Variants in FAM107B observed in about 807,000 individuals in gnomAD.
FAM107B encodes family with sequence similarity 107 member B.
A neutral mutation model predicts 31.5 loss-of-function variants in FAM107B; 21 were observed. That is an observed-to-expected ratio of 0.67 (90% CI 0.47 to 0.96). The LOEUF (loss-of-function observed/expected upper bound fraction) is 0.96, where lower values mean the gene tolerates loss of function less well. Among genes scored for constraint, FAM107B ranks in the 40% least tolerant of loss-of-function variants. The pLI, the probability that FAM107B is intolerant of heterozygous loss-of-function variation, is 0.00. For missense variants in FAM107B, 452 were observed against 377.1 expected, an observed-to-expected ratio of 1.20 and a Z score of -1.64; for synonymous variants, 157 against 141.5, an observed-to-expected ratio of 1.11 and a Z score of -0.78.
In FAM107B at chr10:14,626,499, C is replaced by CTTTTTTTTTTTTT. The variant is rs71505032; in HGVS notation, c.469+41134_469+41135insAAAAAAAAAAAAA. Among the ~76,000 whole-genome samples the CTTTTTTTTTTTTT allele has an allele frequency of 1.8e-5, 2 of 109,042 alleles. 1 individual carries two copies. Among genetic ancestry groups the CTTTTTTTTTTTTT allele is most frequent in the Non-Finnish European group, 3.6e-5 (2 of 55,886 alleles). The allele number at this position is 109,042 out of a possible 152,430, so 71.5% of individuals were successfully genotyped here. A position where few individuals can be genotyped will look rare whatever the true frequency, so the allele number is the denominator to read the frequency against. ...ACAAACTGTGGAATTTGAGGCGGAT[C>CTTTTTTTTTTTTT]TTTTTTTTCTTTTTTTTTTTTTGAG... On this transcript the variant is annotated intron_variant, in intron 2 of 4. Coordinates refer to ENST00000181796, the MANE Select transcript of FAM107B (RefSeq NM_031453.4).
intron 1 of FAM107B, among the ~76,000 whole-genome samples, chr10:14,713,459 C>T (rs952758350): frequency 2.0e-5 from 3 of 152,170 alleles, no homozygotes; most frequent in Non-Finnish European, 4.4e-5. Context: ...GCAGGAAGAA[C>T]TGGCACGAAT....
rs1845442025 is a variant in FAM107B, at chr10:14,519,612, G to A, written c.*1578C>T. 1 of 152,150 alleles carries A rather than the reference G, an allele frequency of 6.6e-6. No homozygotes were observed. 9.4% of individuals were successfully genotyped at this position (152,150 alleles called of 1,614,324 possible). On this transcript the variant is annotated 3_prime_UTR_variant, in exon 5 of 5. Transcript: ENST00000181796. Reference sequence around the variant, plus strand: ...AACTAACATGTTTCTCTAACTAGCAGTATATTATCATTGCATTTACTTTTG... The same window carrying A: ...AACTAACATGTTTCTCTAACTAGCAATATATTATCATTGCATTTACTTTTG...
chr10:14,737,379 G>A (rs574824072), intron 1 of FAM107B, among the ~76,000 whole-genome samples: 4 of 152,224 alleles, frequency 2.6e-5, no homozygotes, highest in Non-Finnish European at 2.9e-5. Flanking sequence ...TCAGAACGTC[G>A]AGGTGGGCGG....
chr10:14,581,223 G>A (rs943668537), intron 2 of FAM107B, among the ~76,000 whole-genome samples: 1 of 152,182 alleles, frequency 6.6e-6, no homozygotes, highest in Non-Finnish European at 1.5e-5. Flanking sequence ...CATTTATAAA[G>A]GGTGGCCCGG....
At chr10:14,575,552 T>C (rs1851439242) in intron 2 of FAM107B, among the ~76,000 whole-genome samples, 1 of 152,070 alleles carries the variant, frequency 6.6e-6, no homozygotes, top group Admixed American at 6.6e-5. Flanking sequence ...GAAAAAGCAC[T>C]GTGTGATGGC....
At chr10:14,530,053 C>A (rs555320757) in intron 3 of FAM107B, 1 of 318,578 alleles carries the variant, frequency 3.1e-6, no homozygotes, top group South Asian at 6.8e-5. Context: ...TTAATCCAGC[C>A]TCTTCCATCC....
intron 1 of FAM107B, among the ~76,000 whole-genome samples, chr10:14,752,634 C>T (rs768311559): frequency 9.2e-5 from 14 of 152,128 alleles, no homozygotes; most frequent in Non-Finnish European, 1.8e-4. Flanking sequence ...ATGAATGCAT[C>T]AGACTCATAA....
intron 1 of FAM107B, among the ~76,000 whole-genome samples, chr10:14,749,222 T>C (rs1221074055): frequency 6.6e-6 from 1 of 152,146 alleles, no homozygotes; most frequent in African/African-American, 2.4e-5. Context: ...ACAATGCCAC[T>C]TAGAAGAAAC....
chr10:14,524,749 C>G (rs747397705), intron 3 of FAM107B, among the ~76,000 whole-genome samples: 1 of 152,128 alleles, frequency 6.6e-6, no homozygotes, highest in Non-Finnish European at 1.5e-5. Context: ...ATTTAGCTAT[C>G]TGAATAATTT....
rs769546122 is a variant in FAM107B at position 14,774,680 on chromosome 10, T to C, written c.-17A>G. ...CGTGGACATGACTTGCAGTGAATCA[T>C]TGCAAAGTTCAAACGGGGCAAGGAA... On this transcript the variant is annotated 5_prime_UTR_variant, in exon 1 of 5. The change abolishes an upstream ATG in the 5' untranslated region. Coordinates refer to ENST00000181796, the MANE Select transcript of FAM107B (RefSeq NM_031453.4). 1.4e-5 allele frequency: 22 copies of C among 1,604,430 alleles called. No homozygotes were observed. The highest frequency in any genetic ancestry group is 1.7e-5 in the Non-Finnish European group (20 of 1,174,294).
intron 1 of FAM107B, among the ~76,000 whole-genome samples, chr10:14,711,087 T>A (rs1855635800): frequency 6.6e-6 from 1 of 152,090 alleles, no homozygotes; most frequent in Non-Finnish European, 1.5e-5. Context: ...CCTTTTGTAT[T>A]TTTTTAGTAG....
chr10:14,713,728 A>G (rs541607015), intron 1 of FAM107B, among the ~76,000 whole-genome samples: 2 of 152,204 alleles, frequency 1.3e-5, no homozygotes, highest in Non-Finnish European at 2.9e-5. Context: ...ACATATGTAC[A>G]TGTATGTTCA....
intron 2 of FAM107B, among the ~76,000 whole-genome samples, chr10:14,629,989 T>C (rs1169813881): frequency 1.3e-5 from 2 of 152,166 alleles, no homozygotes; most frequent in Non-Finnish European, 2.9e-5. Context: ...AATGGATATA[T>C]CTTTTTTGAT....
At chr10:14,753,443 G>GC (rs112200624) in intron 1 of FAM107B, among the ~76,000 whole-genome samples, 17,966 of 152,156 alleles carry the variant, frequency 0.12, 2,468 homozygotes, top group African/African-American at 0.33. Flanking sequence ...TTCATCATGG[G>GC]AGGTCTTCCT....
chr10:14,710,828 T>C (rs773975904), intron 1 of FAM107B, among the ~76,000 whole-genome samples: 2 of 152,226 alleles, frequency 1.3e-5, no homozygotes, highest in Non-Finnish European at 2.9e-5. Context: ...AAGCTAAGTG[T>C]TGTTATAAAA....
At chr10:14,605,602 A>G (rs1852568360) in intron 2 of FAM107B, among the ~76,000 whole-genome samples, 1 of 152,210 alleles carries the variant, frequency 6.6e-6, no homozygotes, top group African/African-American at 2.4e-5. Flanking sequence ...ACAGCCTGCC[A>G]GCCAAGTAAG....
intron 1 of FAM107B, among the ~76,000 whole-genome samples, chr10:14,734,506 G>A (rs1291821779): frequency 1.6e-5 from 2 of 123,440 alleles, no homozygotes; most frequent in East Asian, 2.7e-4. Flanking sequence ...TTTTTTTTTA[G>A]CTCATCAGCT....
At chr10:14,752,858 G>A (rs1305304129) in intron 1 of FAM107B, among the ~76,000 whole-genome samples, 1 of 151,928 alleles carries the variant, frequency 6.6e-6, no homozygotes, top group Non-Finnish European at 1.5e-5. Context: ...CTTTAGCCAA[G>A]GAGGTTGAGG....
At chr10:14,616,952 G>C (rs866193649) in intron 2 of FAM107B, among the ~76,000 whole-genome samples, 69 of 151,912 alleles carry the variant, frequency 4.5e-4, no homozygotes, top group African/African-American at 1.6e-3. Context: ...GAGAGAGAGA[G>C]AGAGTAAGGA....
Sources: gnomAD v4.1 joint callset for allele counts (sites outside exome capture counted in the v4.1 genomes callset) on GRCh38, gnomAD v4.1.1 for gene constraint, MANE v1.5 for transcripts, NCBI Gene and HGNC (gene_info 2026-07-23, HGNC 2026-07-21) for gene names.